The following CCR5AS variants were observed in gnomAD, a reference collection of about 807,000 sequenced individuals.
CCR5AS encodes CCR5 antisense RNA.
At chr3:46,373,665 C>T in intron 2 of CCR5AS, 1 of 1,614,130 alleles carries the variant, frequency 6.2e-7, no homozygotes, top group East Asian at 2.2e-5. Flanking sequence ...CAACATTGTC[C>T]TTCTCCTGAA....
chr3:46,366,694 C>A (rs1443984409), intron 3 of CCR5AS, among the ~76,000 whole-genome samples: 1 of 152,180 alleles, frequency 6.6e-6, no homozygotes, highest in East Asian at 1.9e-4. Context: ...GAGTTCCCAA[C>A]CCACCCACGA....
At chr3:46,366,323 A>G (rs1348871754) in intron 3 of CCR5AS, among the ~76,000 whole-genome samples, 2 of 152,232 alleles carry the variant, frequency 1.3e-5, no homozygotes, top group Non-Finnish European at 2.9e-5. Flanking sequence ...TGTTATGTGC[A>G]GAGCTGAGTA....
intron 2 of CCR5AS, among the ~76,000 whole-genome samples, chr3:46,386,690 T>C (rs1559573011): frequency 6.6e-6 from 1 of 152,208 alleles, no homozygotes; most frequent in Non-Finnish European, 1.5e-5. Context: ...AGAAAGCACA[T>C]CTTTGAGAAA....
intron 3 of CCR5AS, among the ~76,000 whole-genome samples, chr3:46,368,997 A>G (rs889638230): frequency 6.9e-5 from 10 of 145,446 alleles, no homozygotes; most frequent in African/African-American, 9.7e-5. Context: ...TCTTTCGAAA[A>G]ACCAAAGTTG....
At chr3:46,390,700 A>T (rs1701904119) in intron 2 of CCR5AS, among the ~76,000 whole-genome samples, 1 of 152,092 alleles carries the variant, frequency 6.6e-6, no homozygotes, top group African/African-American at 2.4e-5. Context: ...GCAGCCCAGG[A>T]ATACTCAGGG....
chr3:46,367,914 T>C (rs906067435), intron 3 of CCR5AS, among the ~76,000 whole-genome samples: 3 of 152,216 alleles, frequency 2.0e-5, no homozygotes, highest in Non-Finnish European at 2.9e-5. Context: ...TTGCTCTTTT[T>C]ACAGCCCGTC....
intron 2 of CCR5AS, among the ~76,000 whole-genome samples, chr3:46,391,477 A>C (rs1295005295): frequency 6.6e-6 from 1 of 152,144 alleles, no homozygotes; most frequent in African/African-American, 2.4e-5. Flanking sequence ...GCATATTGAG[A>C]ATAAGACGGC....
chr3:46,389,402 T>A lies in CCR5AS; in HGVS notation n.391+3423A>T, dbSNP rs1402894182. On this transcript the variant is annotated intron_variant and non_coding_transcript_variant, in intron 2 of 3. Coordinates refer to ENST00000451485, the Ensembl canonical transcript of CCR5AS. Reference sequence around the variant, plus strand: ...TCCAGTCCATCAAAGCTGTAGAGTGTGAGGGGTCAGACTTGACAAGGACTG... The same window carrying A: ...TCCAGTCCATCAAAGCTGTAGAGTGAGAGGGGTCAGACTTGACAAGGACTG... 2.0e-5 allele frequency among the ~76,000 whole-genome samples: 3 copies of A among 152,188 alleles called. No individual in the cohort carries two copies. The East Asian group carries it at 5.8e-4, about 29-fold the overall frequency.
intron 2 of CCR5AS, among the ~76,000 whole-genome samples, chr3:46,385,943 T>C (rs1701857431): frequency 6.6e-6 from 1 of 151,994 alleles, no homozygotes; most frequent in Non-Finnish European, 1.5e-5. Context: ...GGTTTCACCA[T>C]ATTTTATTTT....
chr3:46,381,291 T>C (rs1701814371), intron 2 of CCR5AS, among the ~76,000 whole-genome samples: 1 of 152,302 alleles, frequency 6.6e-6, no homozygotes, highest in South Asian at 2.1e-4. Context: ...CCCATTTCCT[T>C]ATCCCTGCAG....
chr3:46,372,986 C>T (rs753300247), intron 2 of CCR5AS: 12 of 1,613,694 alleles, frequency 7.4e-6, no homozygotes, highest in African/African-American at 2.7e-5. Context: ...TGAAGCAAAT[C>T]GCAGCCCGCC....
At chr3:46,374,301 G>A (rs1195966272) in intron 2 of CCR5AS, 2 of 216,664 alleles carry the variant, frequency 9.2e-6, no homozygotes, top group Admixed American at 5.5e-5. Flanking sequence ...TGATTCTTGA[G>A]TTTAGTGATC....
chr3:46,370,950 G>A (rs1375188058), intron 3 of CCR5AS: 1 of 152,128 alleles, frequency 6.6e-6, no homozygotes, highest in Non-Finnish European at 1.5e-5. Flanking sequence ...CTGGCCAGAA[G>A]AGCTGAGACA....
At chr3:46,382,545 A>G (rs983592778) in intron 2 of CCR5AS, among the ~76,000 whole-genome samples, 2 of 152,206 alleles carry the variant, frequency 1.3e-5, no homozygotes, top group African/African-American at 2.4e-5. Flanking sequence ...CATACAAATG[A>G]TGCTGCTTCA....
intron 2 of CCR5AS, chr3:46,372,939 A>G (rs753095965): frequency 1.2e-6 from 2 of 1,606,438 alleles, no homozygotes; most frequent in Admixed American, 3.4e-5. Flanking sequence ...CTATGACATC[A>G]ATTATTATAC....
chr3:46,385,646 A>C (rs1575284268), intron 2 of CCR5AS, among the ~76,000 whole-genome samples: 1 of 152,186 alleles, frequency 6.6e-6, no homozygotes, highest in Admixed American at 6.5e-5. Flanking sequence ...GGTTAAAGAA[A>C]CCCATAATGT....
At chr3:46,366,894 G>A (rs1294809342) in intron 3 of CCR5AS, among the ~76,000 whole-genome samples, 2 of 152,196 alleles carry the variant, frequency 1.3e-5, no homozygotes, top group African/African-American at 4.8e-5. Flanking sequence ...CAGGAAGAGT[G>A]TACTTCTTGA....
intron 3 of CCR5AS, among the ~76,000 whole-genome samples, chr3:46,370,541 C>A (rs977942875): frequency 3.9e-5 from 6 of 152,206 alleles, no homozygotes; most frequent in African/African-American, 1.2e-4. Context: ...TCAGAATTTT[C>A]TTAACCTTTT....
At chr3:46,389,749 T>A (rs1325841798) in intron 2 of CCR5AS, among the ~76,000 whole-genome samples, 2 of 152,182 alleles carry the variant, frequency 1.3e-5, no homozygotes, top group East Asian at 3.9e-4. Flanking sequence ...AGTAAAGTGG[T>A]TTGATTAGGA....
Sources: gnomAD v4.1 joint callset for allele counts (sites outside exome capture counted in the v4.1 genomes callset) on GRCh38, gnomAD v4.1.1 for gene constraint, MANE v1.5 for transcripts, NCBI Gene and HGNC (gene_info 2026-07-23, HGNC 2026-07-21) for gene names.